The following TMEFF2 variants were observed in gnomAD, a reference collection of about 807,000 sequenced individuals.
TMEFF2 encodes tomoregulin-2.
Under a neutral mutation model 53.8 loss-of-function variants are expected in TMEFF2, and 28 were observed. The ratio of observed to expected loss-of-function variants is 0.52; its 90% CI spans 0.39 to 0.71. TMEFF2 has a LOEUF of 0.71. Ranked by LOEUF, TMEFF2 falls within the 30% of genes least tolerant of loss-of-function variation. The pLI, the probability that TMEFF2 is intolerant of heterozygous loss-of-function variation, is 0.00. For synonymous variants in TMEFF2, 162 were observed against 166.3 expected, an observed-to-expected ratio of 0.97 and a Z score of 0.20; for missense variants, 353 against 455.2, an observed-to-expected ratio of 0.78 and a Z score of 2.04.
chr2:192,109,162 T>C (rs1689218522), intron 4 of TMEFF2, among the ~76,000 whole-genome samples: 1 of 152,060 alleles, frequency 6.6e-6, no homozygotes, highest in Non-Finnish European at 1.5e-5. Flanking sequence ...ATAGTTAAAA[T>C]GGCAAATTTT....
chr2:192,035,314 T>A (rs558999750), intron 5 of TMEFF2: 13 of 152,298 alleles, frequency 8.5e-5, no homozygotes, highest in African/African-American at 3.1e-4. Flanking sequence ...CAGCCACAGG[T>A]CACAGTCTAG....
chr2:191,994,916 AT>A (rs1363210650), intron 7 of TMEFF2, among the ~76,000 whole-genome samples: 1 of 151,978 alleles, frequency 6.6e-6, no homozygotes, highest in Admixed American at 6.6e-5. Context: ...CTTGGGTCTC[AT>A]TAAAGGAGAG....
intron 4 of TMEFF2, among the ~76,000 whole-genome samples, chr2:192,113,292 G>T (rs1040335616): frequency 6.6e-6 from 1 of 152,098 alleles, no homozygotes; most frequent in Non-Finnish European, 1.5e-5. Flanking sequence ...TAATAATTGG[G>T]CAGGTTGAGT....
At chr2:192,051,219 C>A (rs1237037286) in intron 5 of TMEFF2, among the ~76,000 whole-genome samples, 1 of 105,170 alleles carries the variant, frequency 9.5e-6, no homozygotes, top group East Asian at 3.2e-4. Context: ...GATCTATTAT[C>A]TTTTTTCTGG....
intron 7 of TMEFF2, among the ~76,000 whole-genome samples, chr2:191,970,776 A>G (rs1342743045): frequency 6.6e-6 from 1 of 152,158 alleles, no homozygotes; most frequent in Non-Finnish European, 1.5e-5. Flanking sequence ...AATAGTCCAA[A>G]TGGAGTCAAT....
At chr2:191,999,027 A>G in intron 6 of TMEFF2, 33 bp downstream of exon 6, 1 of 1,569,532 alleles carries the variant, frequency 6.4e-7, no homozygotes, top group Non-Finnish European at 8.7e-7. Flanking sequence ...GACTAAAATC[A>G]TTCTTTGAAA....
intron 4 of TMEFF2, among the ~76,000 whole-genome samples, chr2:192,132,405 C>T (rs1445933019): frequency 6.6e-6 from 1 of 152,088 alleles, no homozygotes; most frequent in East Asian, 1.9e-4. Flanking sequence ...CGCTTTACAG[C>T]CCTAGACCCT....
intron 4 of TMEFF2, among the ~76,000 whole-genome samples, chr2:192,130,385 A>C (rs1039566804): frequency 6.6e-5 from 10 of 152,118 alleles, no homozygotes; most frequent in African/African-American, 1.9e-4. Flanking sequence ...TAGAAAGAGT[A>C]TGTCAGGCCT....
intron 5 of TMEFF2, among the ~76,000 whole-genome samples, chr2:192,052,912 C>T (rs1559104572): frequency 6.6e-6 from 1 of 152,136 alleles, no homozygotes; most frequent in Non-Finnish European, 1.5e-5. Context: ...TGAATTTTAA[C>T]CCTCTTTTGG....
intron 4 of TMEFF2, among the ~76,000 whole-genome samples, chr2:192,124,644 A>C (rs1411365242): frequency 1.3e-5 from 2 of 152,210 alleles, no homozygotes; most frequent in Non-Finnish European, 2.9e-5. Flanking sequence ...CCTCAGAGAA[A>C]CAGACTGTAC....
chr2:192,024,631 G>T (rs1686928179), intron 5 of TMEFF2, among the ~76,000 whole-genome samples: 1 of 152,176 alleles, frequency 6.6e-6, no homozygotes, highest in Non-Finnish European at 1.5e-5. Context: ...GTACATATAT[G>T]GTTGGTGTTT....
At chr2:192,020,118 A>G (rs1333131059) in intron 5 of TMEFF2, among the ~76,000 whole-genome samples, 3 of 152,078 alleles carry the variant, frequency 2.0e-5, no homozygotes, top group African/African-American at 4.8e-5. Flanking sequence ...ATTGTTCTGA[A>G]TTGTAAGTTT....
At chr2:192,176,274 G>T (rs1225067389) in intron 4 of TMEFF2, among the ~76,000 whole-genome samples, 3 of 151,200 alleles carry the variant, frequency 2.0e-5, no homozygotes, top group Non-Finnish European at 3.0e-5. Context: ...TTTGTCAGGT[G>T]TGAATCTATC....
intron 4 of TMEFF2, among the ~76,000 whole-genome samples, chr2:192,144,232 T>C (rs564581722): frequency 6.6e-6 from 1 of 152,226 alleles, no homozygotes; most frequent in Admixed American, 6.5e-5. Flanking sequence ...ATTTCATTTC[T>C]CAAATATCAC....
chr2:191,995,342 A>T (rs533533045), intron 7 of TMEFF2, among the ~76,000 whole-genome samples: 2 of 152,140 alleles, frequency 1.3e-5, no homozygotes, highest in South Asian at 4.1e-4. Context: ...AGGGTTTTTA[A>T]TCTATAGTGT....
chr2:192,172,292 C>A (rs1490967827), intron 4 of TMEFF2, among the ~76,000 whole-genome samples: 28 of 151,716 alleles, frequency 1.8e-4, no homozygotes, highest in Non-Finnish European at 2.9e-5. Flanking sequence ...CCTGAGAGCA[C>A]AAATCCCTAA....
chr2:192,166,138 A>T (rs1448948431), intron 4 of TMEFF2, among the ~76,000 whole-genome samples: 3 of 152,130 alleles, frequency 2.0e-5, no homozygotes, highest in Non-Finnish European at 4.4e-5. Flanking sequence ...TTGAAAAGAA[A>T]AATAAGTGAA....
At chr2:192,179,786 G>A in intron 3 of TMEFF2, 92 bp from the exon 4 acceptor site, 3 of 1,120,966 alleles carry the variant, frequency 2.7e-6, no homozygotes, top group Non-Finnish European at 3.7e-6. Flanking sequence ...GTTTAATACT[G>A]CAATAATATT....
intron 4 of TMEFF2, among the ~76,000 whole-genome samples, chr2:192,139,424 G>A (rs577644760): frequency 1.3e-5 from 2 of 152,276 alleles, no homozygotes; most frequent in East Asian, 1.9e-4. Flanking sequence ...CAAAATAAGA[G>A]CAAAGATTAT....
Sources: allele counts gnomAD v4.1 joint callset (sites outside exome capture counted in the v4.1 genomes callset), GRCh38; gene constraint gnomAD v4.1.1; transcripts MANE v1.5; gene names NCBI Gene and HGNC (gene_info 2026-07-23, HGNC 2026-07-21).